Variants in SDK1 observed in about 807,000 individuals in gnomAD.
SDK1 encodes the protein sidekick cell adhesion molecule 1, also known as protein sidekick-1.
In SDK1, 157 loss-of-function variants were observed where a neutral mutation model predicts 245.5. The ratio of observed to expected loss-of-function variants is 0.64; its 90% CI spans 0.56 to 0.73. The LOEUF (loss-of-function observed/expected upper bound fraction) is 0.73. Among genes scored for constraint, SDK1 ranks in the 30% least tolerant of loss-of-function variants. The probability of loss-of-function intolerance (pLI) is 0.00; values close to 1 mark genes in which losing one functional copy is unlikely to be tolerated. For synonymous variants in SDK1, 1,647 were observed against 1,278.5 expected, an observed-to-expected ratio of 1.29 and a Z score of -6.15; for missense variants, 3,583 against 3,002.3, an observed-to-expected ratio of 1.19 and a Z score of -4.52.
intron 44 of SDK1, among the ~76,000 whole-genome samples, chr7:4,250,624 C>A (rs905866740): frequency 6.6e-6 from 1 of 152,154 alleles, no homozygotes; most frequent in African/African-American, 2.4e-5. Flanking sequence ...GGATTACAGG[C>A]ATGAGCCACT....
At chr7:3,610,782 C>T (rs909253666) in intron 1 of SDK1, among the ~76,000 whole-genome samples, 5 of 152,154 alleles carry the variant, frequency 3.3e-5, no homozygotes, top group African/African-American at 1.2e-4. Context: ...GTTTGACTTC[C>T]CCACTGGCTG....
intron 1 of SDK1, among the ~76,000 whole-genome samples, chr7:3,587,323 G>T (rs1780723491): frequency 6.6e-6 from 1 of 151,898 alleles, no homozygotes; most frequent in African/African-American, 2.4e-5. Flanking sequence ...GTGTGTGTGT[G>T]TGTGTCTAAA....
At chr7:3,554,240 C>T (rs1020601414) in intron 1 of SDK1, among the ~76,000 whole-genome samples, 11 of 152,036 alleles carry the variant, frequency 7.2e-5, no homozygotes, top group Non-Finnish European at 1.0e-4. Flanking sequence ...CAAACTCATG[C>T]GGAGTGCACT....
At position 3,973,769 on chromosome 7, in the gene SDK1, G is replaced by A. The variant is rs749840209; in HGVS notation, c.1818-600G>A. Among the ~76,000 whole-genome samples, 60 of 152,022 alleles carry A rather than the reference G, an allele frequency of 3.9e-4. 1 individual carries two copies. The highest frequency in any genetic ancestry group is 1.6e-4 in the Non-Finnish European group (11 of 68,020). On this transcript the variant is annotated intron_variant, in intron 12 of 44. Coordinates refer to ENST00000404826, the MANE Select transcript of SDK1 (RefSeq NM_152744.4). ...CTAAAACACAAGGTCAGACAGGCAG[G>A]GCCAGTCATTTTCATTGCCCTGTTT...
At chr7:3,776,317 T>C (rs1436819939) in intron 4 of SDK1, among the ~76,000 whole-genome samples, 1 of 152,228 alleles carries the variant, frequency 6.6e-6, no homozygotes, top group Non-Finnish European at 1.5e-5. Context: ...GAGATGTTAG[T>C]TTTTCATATG....
intron 4 of SDK1, among the ~76,000 whole-genome samples, chr7:3,819,426 T>G (rs1779590202): frequency 6.6e-6 from 1 of 152,126 alleles, no homozygotes; most frequent in Admixed American, 6.5e-5. Context: ...ATAAGGATAC[T>G]TCTGAGAAAC....
chr7:3,552,066 C>T (rs570129189), intron 1 of SDK1, among the ~76,000 whole-genome samples: 3 of 151,072 alleles, frequency 2.0e-5, no homozygotes, highest in Non-Finnish European at 4.4e-5. Context: ...TGAGCCGGAG[C>T]CTCGCTCTGT....
chr7:3,561,582 A>T (rs1779753790), intron 1 of SDK1, among the ~76,000 whole-genome samples: 1 of 152,134 alleles, frequency 6.6e-6, no homozygotes, highest in African/African-American at 2.4e-5. Context: ...GTCAGGTGTG[A>T]TTCCTGGCAC....
intron 4 of SDK1, among the ~76,000 whole-genome samples, chr7:3,816,134 G>C (rs1779502197): frequency 1.4e-5 from 2 of 143,554 alleles, no homozygotes; most frequent in South Asian, 4.6e-4. Context: ...ATGCCCACAA[G>C]AGAAAGCAGG....
At chr7:3,354,341 CAG>C (rs1780738836) in intron 1 of SDK1, among the ~76,000 whole-genome samples, 1 of 151,608 alleles carries the variant, frequency 6.6e-6, no homozygotes, top group Non-Finnish European at 1.5e-5. Flanking sequence ...AAAAAAAAAA[CAG>C]GGATATAAAC....
intron 1 of SDK1, chr7:3,302,172 A>G (rs191375942): frequency 0.011 from 1,709 of 158,746 alleles, 17 homozygotes; most frequent in Middle Eastern, 0.015. Flanking sequence ...TCAGCTCCTT[A>G]AAAGGATGCC....
chr7:4,133,476 A>T (rs1562860910), intron 28 of SDK1, among the ~76,000 whole-genome samples: 2 of 152,094 alleles, frequency 1.3e-5, no homozygotes, highest in African/African-American at 2.4e-5. Flanking sequence ...CATCTGAAAG[A>T]GGTTTCATTC....
chr7:3,565,049 G>T (rs1779867000), intron 1 of SDK1, among the ~76,000 whole-genome samples: 1 of 151,904 alleles, frequency 6.6e-6, no homozygotes, highest in African/African-American at 2.4e-5. Context: ...GGGGTCGGTG[G>T]TAAGATCACA....
At chr7:3,884,708 CA>C (rs989676396) in intron 5 of SDK1, among the ~76,000 whole-genome samples, 5 of 152,234 alleles carry the variant, frequency 3.3e-5, no homozygotes, top group African/African-American at 1.2e-4. Context: ...CTCCAGCTCC[CA>C]GGAACTACAG....
At chr7:3,813,290 T>G (rs1779430503) in intron 4 of SDK1, among the ~76,000 whole-genome samples, 1 of 131,666 alleles carries the variant, frequency 7.6e-6, no homozygotes, top group African/African-American at 2.9e-5. Flanking sequence ...GTCCCCAGAG[T>G]GTGATATTCC....
chr7:3,309,889 T>C (rs7811286), intron 1 of SDK1, among the ~76,000 whole-genome samples: 87,297 of 152,064 alleles, frequency 0.57, 25,234 homozygotes, highest in African/African-American at 0.64. Flanking sequence ...TCTTCTAAAA[T>C]GGTTGTCTTA....
At chr7:3,937,748 G>A (rs778125632) in intron 5 of SDK1, among the ~76,000 whole-genome samples, 4 of 152,318 alleles carry the variant, frequency 2.6e-5, no homozygotes, top group Non-Finnish European at 4.4e-5. Context: ...CCCATTGTCC[G>A]TGTTAATAGC....
intron 1 of SDK1, among the ~76,000 whole-genome samples, chr7:3,471,108 G>C (rs1044439367): frequency 6.6e-6 from 1 of 152,082 alleles, no homozygotes; most frequent in Admixed American, 6.6e-5. Context: ...GCTATTATTT[G>C]GTAACATTTT....
chr7:3,641,450 A>G (rs1782644447), intron 3 of SDK1, among the ~76,000 whole-genome samples: 1 of 152,186 alleles, frequency 6.6e-6, no homozygotes, highest in African/African-American at 2.4e-5. Context: ...AATAGTATAT[A>G]GACTCTTCAG....
Sources: gnomAD v4.1 joint callset for allele counts (sites outside exome capture counted in the v4.1 genomes callset) on GRCh38, gnomAD v4.1.1 for gene constraint, MANE v1.5 for transcripts, NCBI Gene and HGNC (gene_info 2026-07-23, HGNC 2026-07-21) for gene names.